TRPM3: variants seen among roughly 807,000 people sequenced by gnomAD.
TRPM3 encodes long transient receptor potential channel 3.
A neutral mutation model predicts 181.2 loss-of-function variants in TRPM3; 77 were observed. The observed-to-expected ratio is 0.42, with a 90% CI of 0.35 to 0.51. The LOEUF is 0.51. TRPM3 is among the 20% of genes least tolerant of loss of function. TRPM3 has a pLI of 0.01. For synonymous variants in TRPM3, 745 were observed against 796.4 expected, an observed-to-expected ratio of 0.94 and a Z score of 1.09; for missense variants, 1,759 against 2,196.7, an observed-to-expected ratio of 0.80 and a Z score of 3.98.
At chr9:70,581,940 TTTCCTTGTCTTCTCC>T (rs1432118454) in intron 22 of TRPM3, among the ~76,000 whole-genome samples, 6 of 132,614 alleles carry the variant, frequency 4.5e-5, no homozygotes, top group Admixed American at 7.6e-5. Context: ...CCCTCCCTTT[TTTCCTTGTCTTCTCC>T]TTCCTTTCTT....
chr9:70,808,704 G>A (rs750306602), intron 6 of TRPM3, among the ~76,000 whole-genome samples: 11 of 152,098 alleles, frequency 7.2e-5, no homozygotes, highest in Non-Finnish European at 1.3e-4. Flanking sequence ...TCTAAAAGGC[G>A]GAGAAAGCTT....
At chr9:71,109,695 T>C (rs1239246681) in intron 1 of TRPM3, among the ~76,000 whole-genome samples, 1 of 152,178 alleles carries the variant, frequency 6.6e-6, no homozygotes, top group Non-Finnish European at 1.5e-5. Context: ...TATAACTCTA[T>C]AATCTAGTTG....
At chr9:71,080,196 A>AAATAAAT (rs2064060657) in intron 1 of TRPM3, among the ~76,000 whole-genome samples, 2 of 149,890 alleles carry the variant, frequency 1.3e-5, no homozygotes, top group Admixed American at 1.3e-4. Flanking sequence ...ATAAATAAAT[A>AAATAAAT]AATAAATAAA....
intron 20 of TRPM3, among the ~76,000 whole-genome samples, chr9:70,601,734 C>T (rs2060009916): frequency 6.6e-6 from 1 of 152,214 alleles, no homozygotes. Context: ...CCTCGAGGCT[C>T]CTGGCAGCCT....
At chr9:71,332,244 C>T (rs1394728323) in intron 1 of TRPM3, among the ~76,000 whole-genome samples, 1 of 151,620 alleles carries the variant, frequency 6.6e-6, no homozygotes, top group Non-Finnish European at 1.5e-5. Context: ...GTAGCTATTA[C>T]AGAAAAACAA....
chr9:71,153,353 G>A (rs1312136056), intron 1 of TRPM3, among the ~76,000 whole-genome samples: 4 of 150,178 alleles, frequency 2.7e-5, no homozygotes, highest in Non-Finnish European at 5.9e-5. Flanking sequence ...GGGCAGTGGT[G>A]CAATCTCAGC....
At chr9:71,344,013 G>GTTAGATTAGATTAGATTAGA (rs78208290) in intron 1 of TRPM3, among the ~76,000 whole-genome samples, 3,622 of 150,110 alleles carry the variant, frequency 0.024, 55 homozygotes, top group Middle Eastern at 0.048. Flanking sequence ...ATTATTCCAT[G>GTTAGATTAGATTAGATTAGA]TTAGATTAGA....
chr9:71,356,134 A>G (rs1030620131), intron 1 of TRPM3, among the ~76,000 whole-genome samples: 23 of 152,172 alleles, frequency 1.5e-4, no homozygotes, highest in African/African-American at 5.5e-4. Context: ...ATTCCATTCA[A>G]CGAATGGAAA....
chr9:71,362,261 T>C (rs2092179977), intron 1 of TRPM3, among the ~76,000 whole-genome samples: 1 of 152,190 alleles, frequency 6.6e-6, no homozygotes, highest in Non-Finnish European at 1.5e-5. Context: ...AAATAGTTGA[T>C]TGCAAAATCA....
At chr9:70,656,939 G>C (rs1003219954) in intron 9 of TRPM3, among the ~76,000 whole-genome samples, 3 of 147,818 alleles carry the variant, frequency 2.0e-5, no homozygotes, top group Non-Finnish European at 4.5e-5. Flanking sequence ...TTTTTTTTTT[G>C]GTAAGAAATC....
Position 70,591,340 on chromosome 9 carries a change from G to T in TRPM3, c.3049-135C>A, listed in dbSNP as rs2058076127. 13 of 695,888 alleles carry T rather than the reference G, an allele frequency of 1.9e-5. No homozygotes were observed. In the South Asian group the frequency reaches 2.1e-4, roughly 11 times the overall value. 43.1% of individuals were successfully genotyped at this position (695,888 alleles called of 1,614,324 possible). The stretch of plus-strand genomic sequence containing the variant: ...CTGCTGGGAAGGGATGTTTAGACAG[G>T]GAGTTGTGTCCAGATAAGAAGATGC... On this transcript the variant is annotated intron_variant, in intron 21 of 25. Coordinates refer to ENST00000677713, the MANE Select transcript of TRPM3 (RefSeq NM_001366145.2).
intron 1 of TRPM3, among the ~76,000 whole-genome samples, chr9:71,276,743 G>A (rs761737799): frequency 3.3e-5 from 5 of 152,276 alleles, no homozygotes; most frequent in East Asian, 1.9e-4. Context: ...TGGAAATCAC[G>A]TAGGAAAGTT....
At chr9:70,588,678 A>G (rs1305162788) in intron 22 of TRPM3, among the ~76,000 whole-genome samples, 1 of 152,172 alleles carries the variant, frequency 6.6e-6, no homozygotes, top group Non-Finnish European at 1.5e-5. Flanking sequence ...TGGGCACGAC[A>G]CAGAAAAGAG....
At chr9:71,061,079 C>T (rs186101581) in intron 1 of TRPM3, among the ~76,000 whole-genome samples, 1 of 152,068 alleles carries the variant, frequency 6.6e-6, no homozygotes, top group Non-Finnish European at 1.5e-5. Flanking sequence ...AGGGTGAGAG[C>T]TGAAGAATGC....
chr9:71,367,992 GCA>G (rs2092392053), intron 1 of TRPM3, among the ~76,000 whole-genome samples: 1 of 111,002 alleles, frequency 9.0e-6, no homozygotes, highest in African/African-American at 3.0e-5. Flanking sequence ...ACATATATGT[GCA>G]CACACACATG....
chr9:70,590,233 A>C (rs2057889528), intron 22 of TRPM3, among the ~76,000 whole-genome samples: 1 of 152,104 alleles, frequency 6.6e-6, no homozygotes, highest in Non-Finnish European at 1.5e-5. Flanking sequence ...GTGTGTCCTG[A>C]CATTTGGTCC....
chr9:71,168,818 C>T (rs1456337878), intron 1 of TRPM3, among the ~76,000 whole-genome samples: 1 of 151,382 alleles, frequency 6.6e-6, no homozygotes. Flanking sequence ...AGTGAGGATA[C>T]CTGGGTAAAG....
intron 8 of TRPM3, among the ~76,000 whole-genome samples, chr9:70,738,653 A>G (rs1225869099): frequency 2.6e-5 from 4 of 152,176 alleles, no homozygotes; most frequent in Non-Finnish European, 4.4e-5. Context: ...AGCTGAATGA[A>G]ATTGAAACAA....
intron 1 of TRPM3, among the ~76,000 whole-genome samples, chr9:71,005,348 G>A (rs553129909): frequency 8.5e-5 from 13 of 152,134 alleles, no homozygotes; most frequent in African/African-American, 3.1e-4. Flanking sequence ...GGAGGTTGTG[G>A]TGAGCTGAGA....
Sources: allele counts gnomAD v4.1 joint callset (sites outside exome capture counted in the v4.1 genomes callset), GRCh38; gene constraint gnomAD v4.1.1; transcripts MANE v1.5; gene names NCBI Gene and HGNC (gene_info 2026-07-23, HGNC 2026-07-21).